DST: variants seen among roughly 807,000 people sequenced by gnomAD.
The protein encoded by DST is dystonin.
A neutral mutation model predicts 875.2 loss-of-function variants in DST; 253 were observed. The ratio of observed to expected loss-of-function variants is 0.29; its 90% CI spans 0.26 to 0.32. The LOEUF (loss-of-function observed/expected upper bound fraction) is 0.32. Ranked by LOEUF, DST falls within the 10% of genes least tolerant of loss-of-function variation. The pLI is 1.00. For missense variants in DST, 8,287 were observed against 9,111.6 expected (o/e 0.91, Z 3.68); for synonymous variants, 3,124 against 3,197.1 (o/e 0.98, Z 0.77).
chr6:56,764,615 G>A (rs1201861973), intron 4 of DST, among the ~76,000 whole-genome samples: 1 of 151,988 alleles, frequency 6.6e-6, no homozygotes, highest in African/African-American at 2.4e-5. Context: ...AATATTTATG[G>A]GAAGAAAGAA....
chr6:56,620,188 GTC>G (rs746839933), intron 36 of DST: 2 of 1,613,346 alleles, frequency 1.2e-6, no homozygotes, highest in Admixed American at 1.7e-5. Flanking sequence ...CTTCCTCATT[GTC>G]TCTCTTTCTT....
rs371611933 is a variant in DST, at chr6:56,905,125, T to C, written c.217-4504A>G. 5.6e-4 allele frequency among the ~76,000 whole-genome samples: 86 copies of C among 152,310 alleles called. 1 individual carries two copies. Among genetic ancestry groups the C allele is most frequent in the African/African-American group, 2.0e-3 (85 of 41,572 alleles). On this transcript the variant is annotated intron_variant, in intron 2 of 103. Coordinates refer to ENST00000680361, the MANE Select transcript of DST (RefSeq NM_001374736.1). Reference sequence around the variant, plus strand: ...TCTTCAACCATTAGGTGATGGACACTTGGAAGCCTGTCAGTAGTGGACTTC... The same window carrying C: ...TCTTCAACCATTAGGTGATGGACACCTGGAAGCCTGTCAGTAGTGGACTTC...
chr6:56,849,134 A>ATTT (rs755617631), intron 4 of DST, among the ~76,000 whole-genome samples: 2,138 of 114,946 alleles, frequency 0.019, 156 homozygotes, highest in African/African-American at 0.059. Flanking sequence ...AATTCATGCA[A>ATTT]TTTTTTTTTT....
chr6:56,718,754 C>A (rs1037762624), intron 5 of DST, among the ~76,000 whole-genome samples: 1 of 152,088 alleles, frequency 6.6e-6, no homozygotes, highest in African/African-American at 2.4e-5. Flanking sequence ...AGATACATAC[C>A]ACAACATGGA....
chr6:56,466,654 A>G (rs958282803), intron 98 of DST: 3 of 152,278 alleles, frequency 2.0e-5, no homozygotes, highest in African/African-American at 4.8e-5. Flanking sequence ...TTTTCCACTG[A>G]ACTCTGTGAG....
intron 4 of DST, among the ~76,000 whole-genome samples, chr6:56,759,142 T>C (rs1273878442): frequency 3.3e-5 from 5 of 152,166 alleles, no homozygotes; most frequent in Admixed American, 6.5e-5. Flanking sequence ...AGAATACTTA[T>C]GTACCCCAAT....
At chr6:56,681,952 G>C (rs563233631) in intron 9 of DST, among the ~76,000 whole-genome samples, 1 of 152,170 alleles carries the variant, frequency 6.6e-6, no homozygotes, top group Non-Finnish European at 1.5e-5. Flanking sequence ...GGTTTTGTTT[G>C]CTTATTATTT....
rs557488147 is a variant in DST, at chr6:56,463,570, G to C, written c.22954C>G (p.Pro7652Ala). Reference sequence around the variant, plus strand: ...GTCTTCATCCTGAGTCTTACCTTGGGTGTGGTGGTGGCAGGGACCTGTGGG... The same window carrying C: ...GTCTTCATCCTGAGTCTTACCTTGGCTGTGGTGGTGGCAGGGACCTGTGGG... ...ASPQVPATTTPKILHPLTRNY... is the reference protein window; with the variant it reads ...ASPQVPATTTAKILHPLTRNY... The change falls in exon 101 of 104, where the codon CCC becomes GCC. Residue 7652 changes from proline to alanine, a missense_variant. This residue lies in a region of DST where 240 missense variants were observed against 237.3 expected (regional missense o/e 1.01). Coordinates refer to ENST00000680361, the MANE Select transcript of DST (RefSeq NM_001374736.1). 6.3e-7 allele frequency: 1 copy of C among 1,584,642 alleles called. No homozygotes were observed. Among genetic ancestry groups the C allele is most frequent in the African/African-American group, 1.3e-5 (1 of 74,294 alleles).
At position 56,552,560 on chromosome 6, in the gene DST, A is replaced by T. The variant is rs1584764199; in HGVS notation, c.16232T>A (p.Val5411Glu). The T allele has an allele frequency of 1.9e-6, 3 of 1,613,810 alleles. No homozygotes were observed. The South Asian group carries it at 3.3e-5, about 18-fold the overall frequency. Residue 5411 changes from valine to glutamate, a missense_variant, in exon 61 of 104, where the codon GTG becomes GAG. Around this residue, in one of 10 missense-constraint regions of DST, gnomAD observed 9 missense variants for 25.2 expected, o/e 0.36. Coordinates refer to ENST00000680361, the MANE Select transcript of DST (RefSeq NM_001374736.1). ...FDDELDSMAPVGRDAETLQKQ... is the reference protein window; with the variant it reads ...FDDELDSMAPEGRDAETLQKQ... ...TTGCAATGTTTCTGCATCTCTCCCC[A>T]CTGGAGCCATGCTATCCAGTTCATC...
chr6:56,458,719 T>TGTAG lies in DST; in HGVS notation c.*282_*285dup. 1 of 249,262 alleles carries TGTAG rather than the reference T, an allele frequency of 4.0e-6. No individual in the cohort carries two copies. Among genetic ancestry groups the TGTAG allele is most frequent in the Non-Finnish European group, 7.6e-6 (1 of 131,274 alleles). 15.4% of individuals were successfully genotyped at this position (249,262 alleles called of 1,614,324 possible). A position where few individuals can be genotyped will look rare whatever the true frequency, so the allele number is the denominator to read the frequency against. On this transcript the variant is annotated 3_prime_UTR_variant, in exon 104 of 104. Transcript: ENST00000680361. Reference sequence around the variant, plus strand: ...CTGTCAGAGAGGATGTAGACTTACCTGTAGGTACAGTAACTGAGTTTAGTG... The same window carrying TGTAG: ...CTGTCAGAGAGGATGTAGACTTACCTGTAGGTAGGTACAGTAACTGAGTTTAGTG...
chr6:56,549,321 A>C (rs1279679120), intron 61 of DST, among the ~76,000 whole-genome samples: 1 of 152,212 alleles, frequency 6.6e-6, no homozygotes, highest in Non-Finnish European at 1.5e-5. Context: ...TCAATAAGGA[A>C]GACAGACTCA....
At chr6:56,924,546 A>G (rs775084887) in intron 2 of DST, among the ~76,000 whole-genome samples, 1 of 152,202 alleles carries the variant, frequency 6.6e-6, no homozygotes, top group African/African-American at 2.4e-5. Flanking sequence ...ATCTGAGAGC[A>G]TGGTGTCTTG....
chr6:56,559,122 C>A (rs984513203), intron 58 of DST, among the ~76,000 whole-genome samples: 4 of 152,118 alleles, frequency 2.6e-5, no homozygotes, highest in Non-Finnish European at 5.9e-5. Context: ...TGAAACCTTA[C>A]CTAATAACAT....
intron 65 of DST, 65 bp from the exon 66 acceptor site, chr6:56,529,839 TAAATA>T: frequency 6.9e-7 from 1 of 1,449,700 alleles, no homozygotes; most frequent in East Asian, 2.5e-5. Context: ...AATGAAAACA[TAAATA>T]AAACTAAAGC....
chr6:56,597,022 T>C (rs1293864171), intron 47 of DST, among the ~76,000 whole-genome samples: 2 of 152,102 alleles, frequency 1.3e-5, no homozygotes, highest in Admixed American at 6.6e-5. Context: ...GGCGGAATGC[T>C]TGAGCCCAGG....
intron 2 of DST, among the ~76,000 whole-genome samples, chr6:56,946,965 A>G (rs534362190): frequency 6.6e-6 from 1 of 152,322 alleles, no homozygotes; most frequent in Admixed American, 6.5e-5. Flanking sequence ...TAAAATTTGT[A>G]ATGACCACAC....
At chr6:56,590,234 T>C (rs145721742) in intron 49 of DST, among the ~76,000 whole-genome samples, 1 of 152,196 alleles carries the variant, frequency 6.6e-6, no homozygotes, top group Admixed American at 6.5e-5. Context: ...AATTACTAAA[T>C]AGGTTTTTCC....
chr6:56,894,958 C>T (rs1329386478), intron 3 of DST, among the ~76,000 whole-genome samples: 5 of 94,358 alleles, frequency 5.3e-5, no homozygotes, highest in South Asian at 5.8e-4. Context: ...ACCTCCCGGA[C>T]GGGGCGGCTG....
chr6:56,954,294 G>T lies in DST; in HGVS notation c.181+113C>A. 4.1e-6 allele frequency: 3 copies of T among 728,110 alleles called. No homozygotes were observed. The South Asian group carries it at 5.3e-5, about 13-fold the overall frequency. The allele number at this position is 728,110 out of a possible 1,614,324, so 45.1% of individuals were successfully genotyped here. ...AGAAACGCACTCAGCCTGGGGAGTG[G>T]GCAATGATGGGGCTAGGGGCAGCCG... is the stretch of plus-strand genomic sequence containing the variant. On this transcript the variant is annotated intron_variant, in intron 1 of 103. Transcript: ENST00000680361.
Sources: gnomAD v4.1 joint callset for allele counts (sites outside exome capture counted in the v4.1 genomes callset) on GRCh38, gnomAD v4.1.1 for gene constraint, gnomAD v4.1.1 regional missense constraint, MANE v1.5 for transcripts, NCBI Gene and HGNC (gene_info 2026-07-23, HGNC 2026-07-21) for gene names.